The following RGS16 variants were observed in gnomAD, a reference collection of about 807,000 sequenced individuals.
RGS16 encodes regulator of G protein signaling 16.
In RGS16, 12 loss-of-function variants were observed where a neutral mutation model predicts 18.1. That is an observed-to-expected ratio of 0.66 (90% CI 0.42 to 1.07). RGS16 has a LOEUF of 1.07. Among genes scored for constraint, RGS16 ranks in the 50% least tolerant of loss-of-function variants. RGS16 has a pLI of 0.00. For synonymous variants in RGS16, 88 were observed against 102.0 expected, an observed-to-expected ratio of 0.86 and a Z score of 0.83; for missense variants, 238 against 249.2, an observed-to-expected ratio of 0.95 and a Z score of 0.30.
intron 3 of RGS16, 117 bp from the exon 4 acceptor site, chr1:182,602,249 C>G: frequency 8.1e-7 from 1 of 1,238,584 alleles, no homozygotes; most frequent in Non-Finnish European, 1.2e-6. Flanking sequence ...TTTTCTTGAA[C>G]AATGACCTGC....
intron 1 of RGS16, among the ~76,000 whole-genome samples, chr1:182,603,927 T>C (rs1661909122): frequency 6.6e-6 from 1 of 152,138 alleles, no homozygotes; most frequent in South Asian, 2.1e-4. Context: ...CAGTGCTGCC[T>C]GGAAATGTCA....
chr1:182,603,072 A>T (rs1328667812), intron 2 of RGS16, among the ~76,000 whole-genome samples, 157 bp downstream of exon 2: 1 of 152,190 alleles, frequency 6.6e-6, no homozygotes, highest in Admixed American at 6.5e-5. Flanking sequence ...TGAGCCAAGT[A>T]GTCATAACAG....
chr1:182,602,885 A>C (rs1326927759), intron 2 of RGS16, among the ~76,000 whole-genome samples: 3 of 152,242 alleles, frequency 2.0e-5, no homozygotes, highest in Admixed American at 6.5e-5. Flanking sequence ...AATATGAAAG[A>C]GTTTCTAGGC....
chr1:182,602,187 AC>A (rs1661877791), intron 3 of RGS16, 55 bp from the exon 4 acceptor site: 3 of 1,579,834 alleles, frequency 1.9e-6, no homozygotes, highest in African/African-American at 2.7e-5. Context: ...AGCAGGGAAT[AC>A]AAGAAGAAAG....
intron 1 of RGS16, 101 bp downstream of exon 1, chr1:182,604,115 T>TA: frequency 8.1e-7 from 1 of 1,236,544 alleles, no homozygotes; most frequent in South Asian, 1.3e-5. Flanking sequence ...CTCAAGCCTC[T>TA]AGCGCCCCAT....
At chr1:182,604,132 G>T in intron 1 of RGS16, 84 bp downstream of exon 1, 1 of 1,422,212 alleles carries the variant, frequency 7.0e-7, no homozygotes, top group Non-Finnish European at 9.7e-7. Flanking sequence ...CCATCCCCGC[G>T]CCCACCCAGG....
chr1:182,603,367 C>T (rs1242954388), intron 1 of RGS16, 28 bp from the exon 2 acceptor site: 2 of 1,571,320 alleles, frequency 1.3e-6, no homozygotes, highest in South Asian at 2.2e-5. Flanking sequence ...AACATGAAAG[C>T]ATTCTCTCAT....
In RGS16 at chr1:182,600,181, T is replaced by G; in HGVS notation, c.*111A>C. On this transcript the variant is annotated 3_prime_UTR_variant, in exon 5 of 5. Coordinates refer to ENST00000367558, the MANE Select transcript of RGS16 (RefSeq NM_002928.4). Reference sequence around the variant, plus strand: ...ATTTTTTTTTTTTTTTTTTTTTTTTTTGTCCTCTTGCACTTGCTTTGCAGA... The same window carrying G: ...ATTTTTTTTTTTTTTTTTTTTTTTTGTGTCCTCTTGCACTTGCTTTGCAGA... The G allele has an allele frequency of 2.3e-6, 1 of 439,976 alleles. No homozygotes were observed. The highest frequency in any genetic ancestry group is 3.7e-5 in the South Asian group (1 of 27,078). 27.3% of individuals were successfully genotyped at this position (439,976 alleles called of 1,614,324 possible). A position where few individuals can be genotyped will look rare whatever the true frequency, so the allele number is the denominator to read the frequency against.
chr1:182,601,838 G>A (rs2102380902), intron 4 of RGS16, 128 bp downstream of exon 4: 5 of 1,159,172 alleles, frequency 4.3e-6, no homozygotes, highest in Non-Finnish European at 6.4e-6. Flanking sequence ...CAGAAGCCCA[G>A]TCACCCCTGT....
At chr1:182,601,840 C>T in intron 4 of RGS16, 126 bp downstream of exon 4, 1 of 1,169,556 alleles carries the variant, frequency 8.6e-7, no homozygotes, top group Non-Finnish European at 1.3e-6. Context: ...GAAGCCCAGT[C>T]ACCCCTGTGC....
intron 3 of RGS16, 110 bp from the exon 4 acceptor site, chr1:182,602,242 T>C (rs1661878292): frequency 7.7e-7 from 1 of 1,298,702 alleles, no homozygotes; most frequent in Non-Finnish European, 1.1e-6. Context: ...AACATAATTT[T>C]CTTGAACAAT....
intron 4 of RGS16, among the ~76,000 whole-genome samples, chr1:182,601,665 C>T (rs1661864705): frequency 6.6e-6 from 1 of 152,186 alleles, no homozygotes; most frequent in Admixed American, 6.5e-5. Context: ...CTGACCTTGT[C>T]TCCCCAGTTG....
chr1:182,604,195 A>T (rs1454644166), intron 1 of RGS16, 21 bp downstream of exon 1: 2 of 1,551,508 alleles, frequency 1.3e-6, no homozygotes, highest in South Asian at 2.4e-5. Flanking sequence ...TCCCCCAAGC[A>T]GTTGGACAAC....
chr1:182,604,091 C>G, intron 1 of RGS16, 125 bp downstream of exon 1: 1 of 918,154 alleles, frequency 1.1e-6, no homozygotes, highest in Non-Finnish European at 1.7e-6. Flanking sequence ...ATCAAGTGCG[C>G]TTCTACCTCT....
rs777102322 is a variant in RGS16, at chr1:182,603,250, C to T, written c.134G>A (p.Gly45Asp). 1.2e-6 allele frequency: 2 copies of T among 1,613,354 alleles called. No homozygotes were observed. The highest frequency in any genetic ancestry group is 2.2e-5 in the South Asian group (2 of 91,066). ...TTACTTCTCTTTGCTGTGTTTACTGCCCCACTCGAACTTGCCAGTACTCCC... is the reference window on the plus strand; with the variant it reads ...TTACTTCTCTTTGCTGTGTTTACTGTCCCACTCGAACTTGCCAGTACTCCC... ...DTGSTGKFEW[G>D]SKHSKENRNF... The change falls in exon 2 of 5, where the codon GGC becomes GAC. Residue 45 changes from glycine to aspartate, a missense_variant. Coordinates refer to ENST00000367558, the MANE Select transcript of RGS16 (RefSeq NM_002928.4).
rs995867494 is a variant in RGS16 at position 182,600,581 on chromosome 1, C to T, written c.388-68G>A. ...GTGGGCATGGCTGAGGGAGGGCCAA[C>T]GGCAGGCTGGGCATTGGAAAGAGCA... On this transcript the variant is annotated intron_variant, in intron 4 of 4. Transcript: ENST00000367558. 1.1e-4 allele frequency: 141 copies of T among 1,317,188 alleles called. 1 individual carries two copies. The highest frequency in any genetic ancestry group is 1.7e-4 in the African/African-American group (12 of 69,028). The allele number at this position is 1,317,188 out of a possible 1,614,324, so 81.6% of individuals were successfully genotyped here. A position where few individuals can be genotyped will look rare whatever the true frequency, so the allele number is the denominator to read the frequency against.
At position 182,602,086 on chromosome 1, in the gene RGS16, C is replaced by G. The variant is rs1362725638; in HGVS notation, c.267G>C (p.Glu89Asp). The G allele has an allele frequency of 5.0e-6, 8 of 1,614,062 alleles. No individual in the cohort carries two copies. In the East Asian group the frequency reaches 6.7e-5, roughly 13 times the overall value. The stretch of plus-strand genomic sequence containing the variant: ...AGGCCAGCCAGAACTCCAGGTTCTC[C>G]TCACTGAACTCTGTCTTCAGGAAAG... ...FHAFLKTEFS[E>D]ENLEFWLACE... The change falls in exon 4 of 5, where the codon GAG becomes GAC. Residue 89 changes from glutamate (E) to aspartate (D), a missense_variant. By Grantham distance (45) the Glu-to-Asp change is conservative. Transcript: ENST00000367558.
At chr1:182,603,489 G>A in intron 1 of RGS16, 150 bp from the exon 2 acceptor site, 1 of 630,718 alleles carries the variant, frequency 1.6e-6, no homozygotes, top group Non-Finnish European at 2.8e-6. Context: ...CAGGCCAAGA[G>A]TGCTTCTCTT....
intron 4 of RGS16, 95 bp from the exon 5 acceptor site, chr1:182,600,608 C>T (rs753446954): frequency 5.9e-5 from 58 of 985,822 alleles, no homozygotes; most frequent in East Asian, 3.9e-4. Context: ...GAAAGAGCAT[C>T]GGATGCTGCA....
Sources: allele counts gnomAD v4.1 joint callset (sites outside exome capture counted in the v4.1 genomes callset), GRCh38; gene constraint gnomAD v4.1.1; transcripts MANE v1.5; gene names NCBI Gene and HGNC (gene_info 2026-07-23, HGNC 2026-07-21).